The following FBXO40 variants were observed in gnomAD, a reference collection of about 807,000 sequenced individuals.
FBXO40 encodes the protein F-box protein 40, also known as F-box only protein 40.
Under a neutral mutation model 49.9 loss-of-function variants are expected in FBXO40, and 50 were observed. The ratio of observed to expected loss-of-function variants is 1.00; its 90% confidence interval spans 0.80 to 1.27. The LOEUF (loss-of-function observed/expected upper bound fraction) is 1.27, where lower values mean the gene tolerates loss of function less well. Ranked by LOEUF, FBXO40 falls within the 50% of genes most tolerant of loss-of-function variation. The pLI is 0.00. For missense variants in FBXO40, 895 were observed against 870.1 expected (o/e 1.03, Z -0.36); for synonymous variants, 340 against 320.2 (o/e 1.06, Z -0.66).
intron 1 of FBXO40, among the ~76,000 whole-genome samples, chr3:121,614,407 A>C (rs539705876): frequency 6.6e-6 from 1 of 151,734 alleles, no homozygotes. Flanking sequence ...GCACCACTGC[A>C]CCCCAGCCTG....
chr3:121,602,452 C>A (rs1202948758), intron 1 of FBXO40, among the ~76,000 whole-genome samples: 1 of 152,220 alleles, frequency 6.6e-6, no homozygotes, highest in Non-Finnish European at 1.5e-5. Flanking sequence ...AGCCAACATT[C>A]TTTCTTCCTG....
intron 1 of FBXO40, among the ~76,000 whole-genome samples, chr3:121,614,928 G>A (rs568061829): frequency 1.6e-4 from 24 of 152,328 alleles, no homozygotes; most frequent in African/African-American, 5.3e-4. Flanking sequence ...GCAAGTGAAA[G>A]AAGCACATTT....
chr3:121,599,674 GCACACACACACACA>G (rs757324448), intron 1 of FBXO40, among the ~76,000 whole-genome samples: 4 of 99,594 alleles, frequency 4.0e-5, no homozygotes, highest in Admixed American at 1.4e-4. Context: ...ACACACACAT[GCACACACACACACA>G]CACACACACA....
At chr3:121,621,410 C>T in intron 2 of FBXO40, 23 bp from the exon 3 acceptor site, 1 of 1,577,914 alleles carries the variant, frequency 6.3e-7, no homozygotes, top group Non-Finnish European at 8.7e-7. Context: ...TTGTTTTCTT[C>T]CCCCTGTCCT....
intron 1 of FBXO40, among the ~76,000 whole-genome samples, chr3:121,602,581 TG>T (rs2048905905): frequency 6.6e-6 from 1 of 152,242 alleles, no homozygotes; most frequent in Non-Finnish European, 1.5e-5. Flanking sequence ...TTACTGTCAT[TG>T]GTCTCACCCA....
rs200284889 is a variant in FBXO40 at position 121,626,922 on chromosome 3, C to T, written c.*12C>T. 329 of 1,610,790 alleles carry T rather than the reference C, an allele frequency of 2.0e-4. No individual in the cohort carries two copies. The highest frequency in any genetic ancestry group is 3.5e-5 in the Non-Finnish European group (41 of 1,177,188). On this transcript the variant is annotated 3_prime_UTR_variant, in exon 4 of 4. Transcript: ENST00000338040. The stretch of plus-strand genomic sequence containing the variant: ...GATACGTCTCCTAAAAATTCAGATG[C>T]CACTCGATGCACCCTTCTTGGATTT...
intron 1 of FBXO40, among the ~76,000 whole-genome samples, chr3:121,613,251 C>T (rs186858858): frequency 1.6e-4 from 25 of 152,248 alleles, no homozygotes; most frequent in Admixed American, 6.5e-4. Context: ...CCGAGCTCCA[C>T]TGAAAGGGAC....
intron 1 of FBXO40, among the ~76,000 whole-genome samples, chr3:121,618,641 C>T (rs2049012377): frequency 6.6e-6 from 1 of 151,682 alleles, no homozygotes; most frequent in African/African-American, 2.4e-5. Context: ...GGTGATCCAC[C>T]CGCTTGGGCC....
chr3:121,607,101 C>T (rs1027494183), intron 1 of FBXO40, among the ~76,000 whole-genome samples: 4 of 151,890 alleles, frequency 2.6e-5, no homozygotes, highest in South Asian at 2.1e-4. Context: ...CTTGTCTCTA[C>T]TAAAAATACA....
intron 1 of FBXO40, among the ~76,000 whole-genome samples, chr3:121,603,366 A>C (rs2048910775): frequency 1.3e-5 from 2 of 152,246 alleles, no homozygotes; most frequent in South Asian, 4.1e-4. Flanking sequence ...ACTTATAAGA[A>C]ACTATAAAGA....
intron 1 of FBXO40, among the ~76,000 whole-genome samples, chr3:121,601,624 G>A (rs1176201335): frequency 6.6e-6 from 1 of 152,226 alleles, no homozygotes; most frequent in Non-Finnish European, 1.5e-5. Context: ...TGCTGGGGCA[G>A]AGTTCTCACT....
chr3:121,598,692 G>A (rs2048885430), intron 1 of FBXO40, among the ~76,000 whole-genome samples: 1 of 152,160 alleles, frequency 6.6e-6, no homozygotes, highest in Non-Finnish European at 1.5e-5. Flanking sequence ...ATGGAAAGAA[G>A]TGGGCAGAAT....
At chr3:121,602,224 T>C (rs1344741004) in intron 1 of FBXO40, among the ~76,000 whole-genome samples, 1 of 152,212 alleles carries the variant, frequency 6.6e-6, no homozygotes, top group African/African-American at 2.4e-5. Context: ...ATGTACTTCA[T>C]GGCTCCAATT....
At chr3:121,600,763 C>A (rs913801973) in intron 1 of FBXO40, among the ~76,000 whole-genome samples, 4 of 152,204 alleles carry the variant, frequency 2.6e-5, no homozygotes, top group Non-Finnish European at 5.9e-5. Context: ...GTACCCACCT[C>A]ACATGGTTGT....
At chr3:121,595,063 A>T (rs1251986738) in intron 1 of FBXO40, among the ~76,000 whole-genome samples, 1 of 152,198 alleles carries the variant, frequency 6.6e-6, no homozygotes, top group African/African-American at 2.4e-5. Flanking sequence ...GGGATTCTGT[A>T]CACTCTGACC....
rs544139370 is a variant in FBXO40, at chr3:121,604,970, ATTTATTAT to A, written c.-31+11471_-31+11478del. 6.6e-3 allele frequency among the ~76,000 whole-genome samples: 934 copies of A among 142,468 alleles called. 4 individuals are homozygous for A. Among genetic ancestry groups the A allele is most frequent in the Middle Eastern group, 0.01 (3 of 286 alleles). The allele number at this position is 142,468 out of a possible 152,430, so 93.5% of individuals were successfully genotyped here. On this transcript the variant is annotated intron_variant, in intron 1 of 3. Transcript: ENST00000338040. Reference sequence around the variant, plus strand: ...TATTTATTTATTTATTTATTTATTTATTTATTATTTATTTATTTATTTGACACAGTCTC... The same window carrying A: ...TATTTATTTATTTATTTATTTATTTATTATTTATTTATTTGACACAGTCTC...
intron 1 of FBXO40, among the ~76,000 whole-genome samples, chr3:121,595,469 T>C (rs940342665): frequency 1.3e-5 from 2 of 152,194 alleles, no homozygotes; most frequent in African/African-American, 2.4e-5. Flanking sequence ...ATAGTACTGA[T>C]ACAAAAGCAC....
rs886941078 is a variant in FBXO40 at position 121,610,868 on chromosome 3, T to C, written c.-30-9678T>C. Among the ~76,000 whole-genome samples, 14 of 152,192 alleles carry C rather than the reference T, an allele frequency of 9.2e-5. No homozygotes were observed. The East Asian group carries it at 9.6e-4, about 10-fold the overall frequency. ...ATTGTCCAGGCTGGTCTCAAACTCCTGACCTCAAGTGATCTGCCAACCTTG... is the reference window on the plus strand; with the variant it reads ...ATTGTCCAGGCTGGTCTCAAACTCCCGACCTCAAGTGATCTGCCAACCTTG... On this transcript the variant is annotated intron_variant, in intron 1 of 3. Coordinates refer to ENST00000338040, the MANE Select transcript of FBXO40 (RefSeq NM_016298.4).
intron 1 of FBXO40, among the ~76,000 whole-genome samples, chr3:121,595,921 G>A (rs926751843): frequency 5.9e-5 from 9 of 152,122 alleles, no homozygotes; most frequent in African/African-American, 1.2e-4. Context: ...TATTGCCAGC[G>A]CCAGCCACAT....
Sources: gnomAD v4.1 joint callset for allele counts (sites outside exome capture counted in the v4.1 genomes callset) on GRCh38, gnomAD v4.1.1 for gene constraint, MANE v1.5 for transcripts, NCBI Gene and HGNC (gene_info 2026-07-23, HGNC 2026-07-21) for gene names.